RCOR3: variants seen among roughly 807,000 people sequenced by gnomAD.
RCOR3 encodes REST corepressor 3.
RCOR3 carries 13 observed loss-of-function variants against 64.1 expected under a neutral mutation model. The observed-to-expected ratio is 0.20, with a 90% CI of 0.13 to 0.32. The LOEUF (loss-of-function observed/expected upper bound fraction) is 0.32, where lower values mean the gene tolerates loss of function less well. RCOR3 is among the 10% of genes least tolerant of loss of function. The pLI is 1.00. For synonymous variants in RCOR3, 215 were observed against 239.0 expected (o/e 0.90, Z 0.93); for missense variants, 489 against 701.2 (o/e 0.70, Z 3.42).
chr1:211,267,818 C>T (rs1228254659), intron 2 of RCOR3: 1 of 357,468 alleles, frequency 2.8e-6, no homozygotes, highest in African/African-American at 2.2e-5. Context: ...GTCTCAAACT[C>T]CGGGGCTCAA....
At chr1:211,300,071 C>CTTTTTTTTTTTTTTTT (rs11419492) in intron 9 of RCOR3, among the ~76,000 whole-genome samples, 2 of 121,300 alleles carry the variant, frequency 1.6e-5, no homozygotes, top group Non-Finnish European at 3.3e-5. Context: ...TTCTTTCTTT[C>CTTTTTTTTTTTTTTTT]TTTTTTTTTT....
chr1:211,266,801 A>G (rs748303087), intron 2 of RCOR3, among the ~76,000 whole-genome samples: 16 of 152,242 alleles, frequency 1.1e-4, no homozygotes, highest in Non-Finnish European at 1.9e-4. Flanking sequence ...TATTGGACAC[A>G]AAGTGTCCCA....
intron 10 of RCOR3, among the ~76,000 whole-genome samples, chr1:211,308,681 T>G (rs1486282621): frequency 4.2e-4 from 15 of 35,856 alleles, no homozygotes; most frequent in Admixed American, 1.2e-3. Flanking sequence ...TTGTTTTTTT[T>G]TTGTTTTTTT....
chr1:211,296,865 C>A (rs1699907701), intron 9 of RCOR3, among the ~76,000 whole-genome samples: 1 of 151,870 alleles, frequency 6.6e-6, no homozygotes, highest in Non-Finnish European at 1.5e-5. Flanking sequence ...TTGTATTATG[C>A]ACTAAAATGC....
chr1:211,312,538 A>G lies in RCOR3; in HGVS notation c.1076-182A>G. ...GGCAAGTGGCTGGCTCGATGAAATGACATAACTGATAGTTTTCATCTGTGA... is the reference window on the plus strand; with the variant it reads ...GGCAAGTGGCTGGCTCGATGAAATGGCATAACTGATAGTTTTCATCTGTGA... On this transcript the variant is annotated intron_variant, in intron 10 of 11. Transcript: ENST00000419091. The surrounding 1 kb of genome is among the most constrained non-coding windows in gnomAD (Gnocchi z 5.0). 4.6e-6 allele frequency: 3 copies of G among 652,118 alleles called. No individual in the cohort carries two copies. The South Asian group carries it at 5.2e-5, about 11-fold the overall frequency. 40.4% of individuals were successfully genotyped at this position (652,118 alleles called of 1,614,324 possible).
chr1:211,263,241 A>G (rs1348083790), intron 2 of RCOR3, among the ~76,000 whole-genome samples: 1 of 151,780 alleles, frequency 6.6e-6, no homozygotes, highest in Non-Finnish European at 1.5e-5. Flanking sequence ...CATGGTGTAT[A>G]TGTGCCACAT....
At chr1:211,281,772 T>C (rs1298182861) in intron 7 of RCOR3, among the ~76,000 whole-genome samples, 6 of 152,222 alleles carry the variant, frequency 3.9e-5, no homozygotes, top group Non-Finnish European at 8.8e-5. Flanking sequence ...CTATGAAATC[T>C]TGTGCCTTAT....
intron 3 of RCOR3, among the ~76,000 whole-genome samples, chr1:211,273,189 C>T (rs1414304399): frequency 9.9e-5 from 15 of 152,180 alleles, no homozygotes; most frequent in Admixed American, 9.2e-4. Flanking sequence ...GACTAATAAT[C>T]ACAGCAAATA....
chr1:211,260,527 C>G (rs540678796), intron 2 of RCOR3, among the ~76,000 whole-genome samples: 1 of 152,320 alleles, frequency 6.6e-6, no homozygotes, highest in African/African-American at 2.4e-5. Flanking sequence ...ACGAACCGTG[C>G]AAATGTCAAT....
intron 1 of RCOR3, 88 bp downstream of exon 1, chr1:211,259,814 C>A (rs1693867779): frequency 8.2e-7 from 1 of 1,217,274 alleles, no homozygotes; most frequent in Non-Finnish European, 1.1e-6. Context: ...GCTCTCCCGC[C>A]CTCCCTCCCC....
intron 7 of RCOR3, 29 bp downstream of exon 7, chr1:211,279,345 ATTG>A: frequency 1.4e-6 from 2 of 1,476,262 alleles, no homozygotes; most frequent in Non-Finnish European, 1.9e-6. Context: ...AGTACTTGTG[ATTG>A]TTCTACAAAT....
intron 2 of RCOR3, among the ~76,000 whole-genome samples, chr1:211,263,181 G>T (rs1165510992): frequency 2.0e-5 from 3 of 151,444 alleles, no homozygotes; most frequent in Non-Finnish European, 4.4e-5. Context: ...TTTCATCCAC[G>T]TCCCTACAAA....
At chr1:211,294,037 T>C (rs1426106146) in intron 8 of RCOR3, among the ~76,000 whole-genome samples, 2 of 152,210 alleles carry the variant, frequency 1.3e-5, no homozygotes, top group African/African-American at 2.4e-5. Context: ...AAAACTGTTA[T>C]AATATAAGTA....
chr1:211,302,607 A>G (rs1374829956), intron 9 of RCOR3: 1 of 152,282 alleles, frequency 6.6e-6, no homozygotes, highest in Non-Finnish European at 1.5e-5. Context: ...TTTTAAAAAA[A>G]CTAATTTCTA....
intron 10 of RCOR3, among the ~76,000 whole-genome samples, chr1:211,305,887 C>T (rs1700801217): frequency 1.3e-5 from 2 of 152,104 alleles, no homozygotes; most frequent in Admixed American, 1.3e-4. Flanking sequence ...TATAACCAAA[C>T]ATTTCCTCTG....
chr1:211,289,479 G>T, intron 8 of RCOR3, 83 bp downstream of exon 8: 1 of 1,143,842 alleles, frequency 8.7e-7, no homozygotes, highest in South Asian at 1.5e-5. Flanking sequence ...GAGCTCAGTT[G>T]TTTGCAGATT....
Position 211,312,661 on chromosome 1 carries a change from A to G in RCOR3, c.1076-59A>G. The G allele has an allele frequency of 2.6e-6, 3 of 1,146,794 alleles. No homozygotes were observed. Among genetic ancestry groups the G allele is most frequent in the Non-Finnish European group, 3.9e-6 (3 of 763,862 alleles). 71.0% of individuals were successfully genotyped at this position (1,146,794 alleles called of 1,614,324 possible). ...TATCTTTTGTGTGTGCATGATGTAT[A>G]GTACACACAGCTCTCCTTATTGATC... On this transcript the variant is annotated intron_variant, in intron 10 of 11. Transcript: ENST00000419091. The surrounding 1 kb of genome is among the most constrained non-coding windows in gnomAD (Gnocchi z 5.0).
intron 7 of RCOR3, among the ~76,000 whole-genome samples, chr1:211,288,520 T>TTTGC (rs1176553511): frequency 6.9e-6 from 1 of 145,598 alleles, no homozygotes; most frequent in Non-Finnish European, 1.5e-5. Context: ...AATATATTTA[T>TTTGC]AATAAATTTA....
chr1:211,283,463 C>G (rs1698102851), intron 7 of RCOR3, among the ~76,000 whole-genome samples: 1 of 152,188 alleles, frequency 6.6e-6, no homozygotes, highest in South Asian at 2.1e-4. Context: ...CTCCACTAGA[C>G]TGTGAGAATA....
Sources: gnomAD v4.1 joint callset for allele counts (sites outside exome capture counted in the v4.1 genomes callset) on GRCh38, gnomAD v4.1.1 for gene constraint, Gnocchi (gnomAD v3.1) non-coding constraint, MANE v1.5 for transcripts, NCBI Gene and HGNC (gene_info 2026-07-23, HGNC 2026-07-21) for gene names.